E2F3: variants seen among roughly 807,000 people sequenced by gnomAD.
E2F3 encodes the protein transcription factor E2F3.
Under a neutral mutation model 44.4 loss-of-function variants are expected in E2F3, and 11 were observed. That is an observed-to-expected ratio of 0.25 (90% confidence interval 0.16 to 0.41). E2F3 has a LOEUF of 0.41. Among genes scored for constraint, E2F3 ranks in the 10% least tolerant of loss-of-function variants. E2F3 has a pLI of 1.00. For synonymous variants in E2F3, 249 were observed against 253.0 expected (o/e 0.98, Z 0.15); for missense variants, 487 against 583.6 (o/e 0.83, Z 1.70).
intron 1 of E2F3, among the ~76,000 whole-genome samples, chr6:20,436,508 C>T (rs73382495): frequency 0.036 from 5,412 of 151,618 alleles, 314 homozygotes; most frequent in African/African-American, 0.12. Flanking sequence ...AATTTTGTAA[C>T]GTTTTAAGAA....
At chr6:20,423,369 A>G (rs908560401) in intron 1 of E2F3, among the ~76,000 whole-genome samples, 1 of 148,484 alleles carries the variant, frequency 6.7e-6, no homozygotes, top group Non-Finnish European at 1.5e-5. Context: ...TAGCAACAGT[A>G]TAGTAAAAAT....
intron 1 of E2F3, among the ~76,000 whole-genome samples, chr6:20,448,897 G>T (rs535751917): frequency 6.6e-6 from 1 of 152,212 alleles, no homozygotes; most frequent in African/African-American, 2.4e-5. Flanking sequence ...AATTGGAAGA[G>T]AGTATTTATA....
At chr6:20,483,626 G>T (rs1286959264) in intron 4 of E2F3, among the ~76,000 whole-genome samples, 1 of 152,090 alleles carries the variant, frequency 6.6e-6, no homozygotes. Context: ...ACAATCTATT[G>T]ACGATCTCAG....
At chr6:20,431,604 T>C (rs1333894147) in intron 1 of E2F3, among the ~76,000 whole-genome samples, 1 of 152,082 alleles carries the variant, frequency 6.6e-6, no homozygotes, top group African/African-American at 2.4e-5. Context: ...CCAGGGGGCA[T>C]TCTGGATGCT....
In E2F3 at chr6:20,481,464, G is replaced by T. The variant is rs758115436; in HGVS notation, c.725+39G>T. 1.4e-5 allele frequency: 22 copies of T among 1,593,072 alleles called. No individual in the cohort carries two copies. The Admixed American group carries it at 3.0e-4, about 22-fold the overall frequency. On this transcript the variant is annotated intron_variant, in intron 3 of 6. Transcript: ENST00000346618. The stretch of plus-strand genomic sequence containing the variant: ...CTCCCCATGCCCCGGCTCTGAGGGG[G>T]TCGTTTCAAACTGCCTGGTTTCTTA...
In E2F3 at chr6:20,463,532, A is replaced by G. The variant is rs186221065; in HGVS notation, c.394-16314A>G. ...CTTCCTTTAATATTTTCTCTATTCT[A>G]CTGGTGAAGAATTCTTTCGGCTTTC... On this transcript the variant is annotated intron_variant, in intron 1 of 6. Coordinates refer to ENST00000346618, the MANE Select transcript of E2F3 (RefSeq NM_001949.5). Among the ~76,000 whole-genome samples the G allele has an allele frequency of 2.6e-5, 4 of 152,212 alleles. No homozygotes were observed. The East Asian group carries it at 7.7e-4, about 29-fold the overall frequency.
chr6:20,458,521 C>T (rs753101065), intron 1 of E2F3, among the ~76,000 whole-genome samples: 5 of 152,124 alleles, frequency 3.3e-5, no homozygotes, highest in Admixed American at 6.6e-5. Flanking sequence ...TGGTGCTTGC[C>T]GGTGGACCTT....
chr6:20,435,998 C>G (rs74754094), intron 1 of E2F3, among the ~76,000 whole-genome samples: 1 of 137,816 alleles, frequency 7.3e-6, no homozygotes, highest in African/African-American at 3.1e-5. Flanking sequence ...TTTTTTTTTC[C>G]AAGACAGAGT....
At chr6:20,449,670 A>G (rs1450092683) in intron 1 of E2F3, among the ~76,000 whole-genome samples, 1 of 152,108 alleles carries the variant, frequency 6.6e-6, no homozygotes, top group Non-Finnish European at 1.5e-5. Context: ...TTTGTTATAT[A>G]GGGAAACTCG....
At chr6:20,416,182 G>C (rs545993642) in intron 1 of E2F3, among the ~76,000 whole-genome samples, 109 of 152,284 alleles carry the variant, frequency 7.2e-4, no homozygotes, top group African/African-American at 2.5e-3. Context: ...TCATTATTGT[G>C]GTTGTCATTA....
chr6:20,413,429 T>G (rs922259910), intron 1 of E2F3, among the ~76,000 whole-genome samples: 1 of 152,216 alleles, frequency 6.6e-6, no homozygotes, highest in African/African-American at 2.4e-5. Flanking sequence ...CAGCTCTTCC[T>G]CGTTTGGAAA....
In E2F3 at chr6:20,402,380, G is replaced by GCTGCCGCCGCCC. The variant is rs1239551358; in HGVS notation, c.150_161dup (p.Ala51_Pro54dup). 1 of 1,607,744 alleles carries GCTGCCGCCGCCC rather than the reference G, an allele frequency of 6.2e-7. No homozygotes were observed. Among genetic ancestry groups the GCTGCCGCCGCCC allele is most frequent in the African/African-American group, 1.3e-5 (1 of 74,150 alleles). The stretch of plus-strand genomic sequence containing the variant: ...CCCCGGCTTCGCCGCCGCCGCCGCC[G>GCTGCCGCCGCCC]CTGCCGCCGCCCCGGGCGCGTACAT... On this transcript the variant is annotated inframe_insertion, in exon 1 of 7. Transcript: ENST00000346618. The surrounding 1 kb of genome is among the most constrained non-coding windows in gnomAD (Gnocchi z 5.6).
intron 1 of E2F3, among the ~76,000 whole-genome samples, chr6:20,463,222 C>G (rs1230144754): frequency 3.9e-5 from 6 of 152,050 alleles, no homozygotes; most frequent in South Asian, 2.1e-4. Flanking sequence ...TGCACCAGGC[C>G]AAATCTCTTT....
At chr6:20,425,298 A>T (rs570662068) in intron 1 of E2F3, among the ~76,000 whole-genome samples, 91 of 152,038 alleles carry the variant, frequency 6.0e-4, no homozygotes, top group Non-Finnish European at 1.1e-3. Context: ...GTGGTTTGGA[A>T]TACAAAGGTG....
chr6:20,433,761 A>G lies in E2F3; in HGVS notation c.393+31136A>G, dbSNP rs1310482506. On this transcript the variant is annotated intron_variant, in intron 1 of 6. Coordinates refer to ENST00000346618, the MANE Select transcript of E2F3 (RefSeq NM_001949.5). Reference sequence around the variant, plus strand: ...ATATATATATATTTTCTTTTTTAAGACATAAAAAAGCACTAGCCTGAGAAA... The same window carrying G: ...ATATATATATATTTTCTTTTTTAAGGCATAAAAAAGCACTAGCCTGAGAAA... Among the ~76,000 whole-genome samples the G allele has an allele frequency of 3.9e-5, 6 of 152,194 alleles. No individual in the cohort carries two copies. The East Asian group carries it at 1.2e-3, about 29-fold the overall frequency.
chr6:20,410,070 G>A (rs566362466), intron 1 of E2F3, among the ~76,000 whole-genome samples: 16 of 152,252 alleles, frequency 1.1e-4, no homozygotes, highest in Admixed American at 5.2e-4. Context: ...GATCCTGAAG[G>A]GTGGTAGCTC....
chr6:20,436,480 G>C (rs57659155), intron 1 of E2F3, among the ~76,000 whole-genome samples: 59,492 of 116,822 alleles, frequency 0.51, 12,613 homozygotes, highest in Non-Finnish European at 0.6. Flanking sequence ...CACACACACA[G>C]AGAGAGAGAG....
At chr6:20,435,052 G>T (rs572090299) in intron 1 of E2F3, among the ~76,000 whole-genome samples, 1 of 152,214 alleles carries the variant, frequency 6.6e-6, no homozygotes, top group Non-Finnish European at 1.5e-5. Flanking sequence ...CTGGACAAGT[G>T]AGGTCCTGCT....
chr6:20,492,112 A>C lies in E2F3; in HGVS notation c.*1682A>C, dbSNP rs1036940521. The C allele has an allele frequency of 1.4e-5, 3 of 214,692 alleles. No homozygotes were observed. The highest frequency in any genetic ancestry group is 2.8e-5 in the Non-Finnish European group (3 of 106,294). 13.3% of individuals were successfully genotyped at this position (214,692 alleles called of 1,614,324 possible). On this transcript the variant is annotated 3_prime_UTR_variant, in exon 7 of 7. Coordinates refer to ENST00000346618, the MANE Select transcript of E2F3 (RefSeq NM_001949.5). ...AATGGTAGGCACATAGTAGGCACTC[A>C]ACTCATATGTTTAATTGAATTGAAA...
Sources: gnomAD v4.1 joint callset for allele counts (sites outside exome capture counted in the v4.1 genomes callset) on GRCh38, gnomAD v4.1.1 for gene constraint, Gnocchi (gnomAD v3.1) non-coding constraint, MANE v1.5 for transcripts, NCBI Gene and HGNC (gene_info 2026-07-23, HGNC 2026-07-21) for gene names.